Variants in CHCHD6 observed in about 807,000 individuals in gnomAD.
The protein encoded by CHCHD6 is coiled-coil-helix-coiled-coil-helix domain containing 6.
A neutral mutation model predicts 32.3 loss-of-function variants in CHCHD6; 28 were observed. That is an observed-to-expected ratio of 0.87 (90% CI 0.64 to 1.19). The LOEUF is 1.19. Ranked by LOEUF, CHCHD6 falls within the 50% of genes most tolerant of loss-of-function variation. The pLI is 0.00. For missense variants in CHCHD6, 333 were observed against 307.0 expected (o/e 1.08, Z -0.63); for synonymous variants, 122 against 117.5 (o/e 1.04, Z -0.25).
intron 4 of CHCHD6, among the ~76,000 whole-genome samples, chr3:126,790,767 A>G (rs1240127355): frequency 2.0e-5 from 3 of 152,152 alleles, no homozygotes; most frequent in Non-Finnish European, 2.9e-5. Flanking sequence ...GATGGGTTCA[A>G]ACTTCCTCCT....
In CHCHD6 at chr3:126,878,750, T is replaced by C. The variant is rs2077570836; in HGVS notation, c.495+26020T>C. Reference sequence around the variant, plus strand: ...TGGGAAATAGGATAATCACAGGTCTTGTAGCATCACCCTTCAGATTATGTA... The same window carrying C: ...TGGGAAATAGGATAATCACAGGTCTCGTAGCATCACCCTTCAGATTATGTA... On this transcript the variant is annotated intron_variant, in intron 5 of 7. Coordinates refer to ENST00000290913, the MANE Select transcript of CHCHD6 (RefSeq NM_032343.3). Among the ~76,000 whole-genome samples the C allele has an allele frequency of 1.3e-5, 2 of 152,212 alleles. 1 individual carries two copies. Among genetic ancestry groups the C allele is most frequent in the South Asian group, 4.1e-4 (2 of 4,830 alleles).
chr3:126,766,597 T>C, intron 4 of CHCHD6: 2 of 1,187,790 alleles, frequency 1.7e-6, no homozygotes, highest in Non-Finnish European at 2.5e-6. Flanking sequence ...AGACTTGGGC[T>C]TGTGGTCCCT....
intron 6 of CHCHD6, among the ~76,000 whole-genome samples, chr3:126,923,896 A>G (rs1382207418): frequency 6.6e-6 from 1 of 152,206 alleles, no homozygotes; most frequent in Non-Finnish European, 1.5e-5. Context: ...CATAGAGTGT[A>G]TCAGTGACTG....
intron 2 of CHCHD6, among the ~76,000 whole-genome samples, chr3:126,730,144 G>T (rs530892786): frequency 1.3e-5 from 2 of 152,254 alleles, no homozygotes; most frequent in African/African-American, 4.8e-5. Flanking sequence ...GATTTAAAGA[G>T]CCCCCACCCC....
intron 6 of CHCHD6, among the ~76,000 whole-genome samples, chr3:126,930,334 T>C (rs1291164374): frequency 6.6e-6 from 1 of 152,264 alleles, no homozygotes; most frequent in African/African-American, 2.4e-5. Context: ...ACTTCCTTTC[T>C]AGTTTTCCTT....
intron 1 of CHCHD6, among the ~76,000 whole-genome samples, chr3:126,710,672 T>G (rs1934707985): frequency 6.6e-6 from 1 of 152,176 alleles, no homozygotes; most frequent in South Asian, 2.1e-4. Flanking sequence ...TCCCAAGCAT[T>G]TTATTATTTT....
chr3:126,809,248 C>T (rs899675657), intron 4 of CHCHD6, among the ~76,000 whole-genome samples: 1 of 152,186 alleles, frequency 6.6e-6, no homozygotes, highest in Non-Finnish European at 1.5e-5. Context: ...TGCTAGCAGG[C>T]ATGAGCCACT....
At chr3:126,723,282 T>TA (rs1329323598) in intron 1 of CHCHD6, among the ~76,000 whole-genome samples, 2 of 152,122 alleles carry the variant, frequency 1.3e-5, no homozygotes, top group Admixed American at 6.5e-5. Flanking sequence ...ATGTTCATGG[T>TA]AAAAAAATTA....
intron 5 of CHCHD6, among the ~76,000 whole-genome samples, chr3:126,897,341 G>A (rs1203043145): frequency 6.6e-6 from 1 of 152,224 alleles, no homozygotes; most frequent in Non-Finnish European, 1.5e-5. Flanking sequence ...GACTCTGAAA[G>A]ATTTTTCTTC....
At chr3:126,712,063 C>T (rs980316925) in intron 1 of CHCHD6, among the ~76,000 whole-genome samples, 1 of 152,216 alleles carries the variant, frequency 6.6e-6, no homozygotes, top group Non-Finnish European at 1.5e-5. Context: ...TCCACCTCAG[C>T]TGCTGAGGAG....
chr3:126,713,400 G>A (rs926369772), intron 1 of CHCHD6, among the ~76,000 whole-genome samples: 5 of 152,120 alleles, frequency 3.3e-5, no homozygotes, highest in Non-Finnish European at 1.5e-5. Context: ...TTGGTTAAAG[G>A]CATGTTTCCG....
intron 5 of CHCHD6, among the ~76,000 whole-genome samples, chr3:126,911,483 C>G (rs2078089724): frequency 6.6e-6 from 1 of 152,206 alleles, no homozygotes; most frequent in Non-Finnish European, 1.5e-5. Context: ...CCTTCGAGTG[C>G]CAAGGGAGCT....
chr3:126,904,566 A>G (rs148234004), intron 5 of CHCHD6, among the ~76,000 whole-genome samples: 13 of 152,288 alleles, frequency 8.5e-5, no homozygotes, highest in African/African-American at 2.2e-4. Flanking sequence ...GTGTGTATGT[A>G]TACATATATA....
At chr3:126,940,768 A>C (rs1034985331) in intron 6 of CHCHD6, among the ~76,000 whole-genome samples, 2 of 152,224 alleles carry the variant, frequency 1.3e-5, no homozygotes, top group Non-Finnish European at 2.9e-5. Flanking sequence ...AAGGAGAAAA[A>C]TACCCTCACT....
chr3:126,721,200 CGTCTCCTCGGGATG>C (rs988859888), intron 1 of CHCHD6, among the ~76,000 whole-genome samples: 3 of 152,190 alleles, frequency 2.0e-5, no homozygotes, highest in Non-Finnish European at 4.4e-5. Context: ...AAACTTTCAG[CGTCTCCTCGGGATG>C]GTTGGACCTC....
At chr3:126,844,334 G>A (rs1941211557) in intron 4 of CHCHD6, among the ~76,000 whole-genome samples, 2 of 152,236 alleles carry the variant, frequency 1.3e-5, no homozygotes, top group Admixed American at 6.5e-5. Context: ...GACTGTGATT[G>A]TGGATTTATT....
rs772452837 is a variant in CHCHD6 at position 126,733,236 on chromosome 3, T to C, written c.411+14T>C. The stretch of plus-strand genomic sequence containing the variant: ...TCAGTCCGGCTGGTGAGTGCAGATT[T>C]TCCCTGATCTGGCCTTCTGAGCTGG... On this transcript the variant is annotated intron_variant, in intron 4 of 7. Coordinates refer to ENST00000290913, the MANE Select transcript of CHCHD6 (RefSeq NM_032343.3). 44 of 1,610,594 alleles carry C rather than the reference T, an allele frequency of 2.7e-5. No individual in the cohort carries two copies. Among genetic ancestry groups the C allele is most frequent in the Non-Finnish European group, 3.6e-5 (43 of 1,178,436 alleles).
intron 4 of CHCHD6, among the ~76,000 whole-genome samples, chr3:126,830,977 C>T (rs73203612): frequency 4.3e-4 from 65 of 152,242 alleles, no homozygotes; most frequent in Middle Eastern, 3.4e-3. Flanking sequence ...GCTCGGGGGC[C>T]GCACCCTGTG....
At position 126,824,560 on chromosome 3, in the gene CHCHD6, CAA is replaced by C. The variant is rs71150454; in HGVS notation, c.412-28067_412-28066del. ...TAGGTGATAGAGCAAGACTCTGTCT[CAA>C]AAAAAAAAAAAAAAAAAAAGTCAAA... On this transcript the variant is annotated intron_variant, in intron 4 of 7. Coordinates refer to ENST00000290913, the MANE Select transcript of CHCHD6 (RefSeq NM_032343.3). Among the ~76,000 whole-genome samples the C allele has an allele frequency of 1.7e-3, 67 of 39,992 alleles. 3 individuals are homozygous for C. The highest frequency in any genetic ancestry group is 7.8e-3 in the African/African-American group (53 of 6,804). The allele number at this position is 39,992 out of a possible 152,430, so 26.2% of individuals were successfully genotyped here.
Sources: gnomAD v4.1 joint callset for allele counts (sites outside exome capture counted in the v4.1 genomes callset) on GRCh38, gnomAD v4.1.1 for gene constraint, MANE v1.5 for transcripts, NCBI Gene and HGNC (gene_info 2026-07-23, HGNC 2026-07-21) for gene names.